Variants in USP37 observed in about 807,000 individuals in gnomAD.
USP37 encodes the protein ubiquitin carboxyl-terminal hydrolase 37.
A neutral mutation model predicts 124.0 loss-of-function variants in USP37; 27 were observed. The ratio of observed to expected loss-of-function variants is 0.22; its 90% confidence interval spans 0.16 to 0.30. The LOEUF is 0.30. USP37 is among the 10% of genes least tolerant of loss of function. The probability of loss-of-function intolerance (pLI) is 1.00; values close to 1 mark genes in which losing one functional copy is unlikely to be tolerated. For synonymous variants in USP37, 365 were observed against 388.0 expected, an observed-to-expected ratio of 0.94 and a Z score of 0.70; for missense variants, 889 against 1,140.4, an observed-to-expected ratio of 0.78 and a Z score of 3.17.
chr2:218,471,122 G>A (rs982081137), intron 20 of USP37, among the ~76,000 whole-genome samples: 1 of 152,210 alleles, frequency 6.6e-6, no homozygotes, highest in African/African-American at 2.4e-5. Context: ...ACGGAACACA[G>A]TTTTGTGATT....
At position 218,517,965 on chromosome 2, in the gene USP37, CT is replaced by C. The variant is rs747035270; in HGVS notation, c.864-7826del. Among the ~76,000 whole-genome samples the C allele has an allele frequency of 2.6e-5, 4 of 151,686 alleles. No homozygotes were observed. The East Asian group carries it at 7.8e-4, about 29-fold the overall frequency. On this transcript the variant is annotated intron_variant, in intron 10 of 25. Coordinates refer to ENST00000258399, the MANE Select transcript of USP37 (RefSeq NM_020935.3). ...CTCTCAATTACTATTCCCCCCACCC[CT>C]TTTTTTTGAGATAAGGTCTCATTCT...
At chr2:218,463,937 C>T (rs1158778011) in intron 21 of USP37, among the ~76,000 whole-genome samples, 1 of 148,218 alleles carries the variant, frequency 6.7e-6, no homozygotes, top group Non-Finnish European at 1.5e-5. Flanking sequence ...CTCACTGCAT[C>T]CTCTACCTCC....
intron 20 of USP37, among the ~76,000 whole-genome samples, chr2:218,472,720 C>G (rs1690763250): frequency 6.6e-6 from 1 of 152,080 alleles, no homozygotes; most frequent in East Asian, 1.9e-4. Flanking sequence ...CCCACCTCAG[C>G]CTCCCAAAGT....
In USP37 at chr2:218,454,999, C is replaced by T. The variant is rs1451764517; in HGVS notation, c.2871G>A (p.Leu957=). Residue 957 remains leucine, a synonymous_variant, in exon 26 of 26, where the codon CTG becomes CTA. Coordinates refer to ENST00000258399, the MANE Select transcript of USP37 (RefSeq NM_020935.3). ...FYMHKEIFDE[L]LETEKNSQSL... ...ACTGAGAGTTCTTTTCTGTTTCCAGCAGCTCATCAAAGATCTCCCTTAAGA... is the reference window on the plus strand; with the variant it reads ...ACTGAGAGTTCTTTTCTGTTTCCAGTAGCTCATCAAAGATCTCCCTTAAGA... 5.0e-6 allele frequency: 8 copies of T among 1,613,872 alleles called. No individual in the cohort carries two copies. The highest frequency in any genetic ancestry group is 3.3e-5 in the Admixed American group (2 of 59,972).
At chr2:218,560,148 C>T (rs781631823) in intron 3 of USP37, among the ~76,000 whole-genome samples, 3 of 152,156 alleles carry the variant, frequency 2.0e-5, no homozygotes, top group Non-Finnish European at 4.4e-5. Context: ...AATATGCAAT[C>T]ATTTAAAATT....
At chr2:218,560,659 C>A (rs1693259480) in intron 3 of USP37, among the ~76,000 whole-genome samples, 161 bp downstream of exon 3, 1 of 152,126 alleles carries the variant, frequency 6.6e-6, no homozygotes, top group African/African-American at 2.4e-5. Flanking sequence ...CCCAATCTAG[C>A]CAATTATTAC....
At chr2:218,466,791 G>A (rs1690350326) in intron 20 of USP37, among the ~76,000 whole-genome samples, 3 of 152,072 alleles carry the variant, frequency 2.0e-5, no homozygotes, top group South Asian at 4.1e-4. Flanking sequence ...CTGGAGTCCA[G>A]TGGCACTATC....
At chr2:218,455,482 AAC>A in intron 25 of USP37, 96 bp downstream of exon 25, 2 of 1,492,444 alleles carry the variant, frequency 1.3e-6, no homozygotes, top group African/African-American at 2.9e-5. Context: ...TCAACCAATC[AAC>A]TGATGGAAAC....
At chr2:218,480,629 A>G (rs532462304) in intron 17 of USP37, among the ~76,000 whole-genome samples, 152 of 152,338 alleles carry the variant, frequency 1.0e-3, no homozygotes, top group African/African-American at 3.6e-3. Flanking sequence ...CACTGTGCTA[A>G]GAACTCTACA....
intron 21 of USP37, 63 bp downstream of exon 21, chr2:218,465,947 A>G: frequency 6.5e-7 from 1 of 1,528,958 alleles, no homozygotes; most frequent in East Asian, 2.3e-5. Context: ...CACATTAGTT[A>G]TTATTATTAT....
At chr2:218,473,550 T>C (rs1349000461) in intron 20 of USP37, among the ~76,000 whole-genome samples, 4 of 152,106 alleles carry the variant, frequency 2.6e-5, no homozygotes, top group Non-Finnish European at 5.9e-5. Context: ...ATTTCCAAAA[T>C]CCTATGGCTG....
At chr2:218,488,175 C>CAAA (rs66581703) in intron 15 of USP37, 129 bp downstream of exon 15, 435 of 348,968 alleles carry the variant, frequency 1.2e-3, no homozygotes, top group East Asian at 2.7e-3. Context: ...GACCCTGTCT[C>CAAA]AAAAAAAAAA....
chr2:218,459,675 A>G (rs969202515), intron 23 of USP37, 115 bp downstream of exon 23: 4 of 722,068 alleles, frequency 5.5e-6, no homozygotes, highest in Non-Finnish European at 9.2e-6. Flanking sequence ...TCTAATGGCT[A>G]CTGAAAGGGC....
At chr2:218,509,582 TA>T (rs963919220) in intron 11 of USP37, among the ~76,000 whole-genome samples, 38 of 149,960 alleles carry the variant, frequency 2.5e-4, no homozygotes, top group African/African-American at 8.0e-4. Flanking sequence ...CCATTTCTAT[TA>T]AAAAAAAAAT....
At chr2:218,563,230 T>C (rs184565915) in intron 1 of USP37, among the ~76,000 whole-genome samples, 78 of 151,052 alleles carry the variant, frequency 5.2e-4, no homozygotes, top group Non-Finnish European at 1.1e-3. Context: ...ATTTAAAAAC[T>C]ACAGATTACC....
rs1692364258 is a variant in USP37 at position 218,546,997 on chromosome 2, G to A, written c.524C>T (p.Ala175Val). The change falls in exon 7 of 26, where the codon GCA becomes GTA. Residue 175 changes from alanine (A) to valine (V), a missense_variant. This residue lies in a region of USP37 where 374 missense variants were observed against 386.0 expected (regional missense o/e 0.97). Transcript: ENST00000258399. ...NPGRGSIKTV[A>V]GSGIARTIPS... ...AATCGTCCGAGCTATTCCACTTCCT[G>A]CTACAGTCTTAATCGATCCTCTACC... 6.2e-7 allele frequency: 1 copy of A among 1,613,692 alleles called. No individual in the cohort carries two copies. The highest frequency in any genetic ancestry group is 1.3e-5 in the African/African-American group (1 of 74,894).
Position 218,546,227 on chromosome 2 carries a change from G to A in USP37, c.674C>T (p.Ser225Leu). 6.2e-7 allele frequency: 1 copy of A among 1,611,724 alleles called. No homozygotes were observed. Among genetic ancestry groups the A allele is most frequent in the East Asian group, 2.2e-5 (1 of 44,766 alleles). ...GGCCCTTAAAGTAACTTACGATGAT[G>A]AATCATTTTCCTTAGGGTAATCTTC... ...LNEDYPKEND[S>L]SSNNKAMTDP... The change falls in exon 8 of 26, where the codon TCA (serine) becomes TTA (leucine). Residue 225 changes from serine (S) to leucine (L), a missense_variant. Physicochemically the swap from Ser to Leu is moderately radical, Grantham distance 145. This residue lies in a region of USP37 where 374 missense variants were observed against 386.0 expected (regional missense o/e 0.97). Coordinates refer to ENST00000258399, the MANE Select transcript of USP37 (RefSeq NM_020935.3).
chr2:218,540,160 A>C (rs1422753200), intron 8 of USP37, among the ~76,000 whole-genome samples: 1 of 152,160 alleles, frequency 6.6e-6, no homozygotes, highest in Admixed American at 6.5e-5. Context: ...AGGGTTACTT[A>C]ACATAAACAC....
intron 16 of USP37, among the ~76,000 whole-genome samples, chr2:218,482,860 T>C (rs1428487383): frequency 6.6e-6 from 1 of 152,196 alleles, no homozygotes; most frequent in Admixed American, 6.6e-5. Flanking sequence ...TGGTTAAAAT[T>C]GTGGTAACCT....
Sources: gnomAD v4.1 joint callset for allele counts (sites outside exome capture counted in the v4.1 genomes callset) on GRCh38, gnomAD v4.1.1 for gene constraint, gnomAD v4.1.1 regional missense constraint, MANE v1.5 for transcripts, NCBI Gene and HGNC (gene_info 2026-07-23, HGNC 2026-07-21) for gene names.